TMC1: variants seen among roughly 807,000 people sequenced by gnomAD.
The protein encoded by TMC1 is transmembrane channel-like protein 1.
A neutral mutation model predicts 105.8 loss-of-function variants in TMC1; 84 were observed. The observed-to-expected ratio is 0.79, with a 90% confidence interval of 0.67 to 0.95. TMC1 has a LOEUF of 0.95. Among genes scored for constraint, TMC1 ranks in the 40% least tolerant of loss-of-function variants. The pLI, the probability that TMC1 is intolerant of heterozygous loss-of-function variation, is 0.00. For synonymous variants in TMC1, 315 were observed against 311.5 expected (o/e 1.01, Z -0.12); for missense variants, 817 against 914.1 (o/e 0.89, Z 1.37).
chr9:72,537,188 T>C (rs1446209518), intron 1 of TMC1, among the ~76,000 whole-genome samples: 1 of 152,186 alleles, frequency 6.6e-6, no homozygotes, highest in Non-Finnish European at 1.5e-5. Context: ...TACCCCAGGC[T>C]TGTCCTGCAA....
chr9:72,829,902 G>A (rs901602461), intron 21 of TMC1, among the ~76,000 whole-genome samples: 6 of 151,946 alleles, frequency 3.9e-5, no homozygotes, highest in African/African-American at 1.2e-4. Flanking sequence ...TTTATACAAC[G>A]TTTTCTTTTT....
intron 3 of TMC1, among the ~76,000 whole-genome samples, chr9:72,621,458 A>G (rs982592871): frequency 1.3e-5 from 2 of 152,208 alleles, no homozygotes; most frequent in Admixed American, 6.5e-5. Context: ...AAGTGTGGAC[A>G]TAGCTGTTGG....
chr9:72,713,753 G>A (rs1038038459), intron 8 of TMC1, among the ~76,000 whole-genome samples: 2 of 142,130 alleles, frequency 1.4e-5, no homozygotes, highest in Middle Eastern at 3.9e-3. Flanking sequence ...AGGGCTTTTT[G>A]TATCTCTGTC....
At chr9:72,595,296 A>C (rs1435685720) in intron 2 of TMC1, among the ~76,000 whole-genome samples, 2 of 152,146 alleles carry the variant, frequency 1.3e-5, no homozygotes, top group African/African-American at 4.8e-5. Flanking sequence ...GTGTATGGCT[A>C]CTTCATAGAC....
chr9:72,659,888 C>T (rs148788858), intron 5 of TMC1, among the ~76,000 whole-genome samples: 10 of 152,266 alleles, frequency 6.6e-5, no homozygotes, highest in South Asian at 2.1e-4. Flanking sequence ...TGATGTTAGT[C>T]GGGGTTTCTG....
chr9:72,791,130 C>T (rs1294123741), intron 15 of TMC1, among the ~76,000 whole-genome samples: 1 of 151,986 alleles, frequency 6.6e-6, no homozygotes, highest in Non-Finnish European at 1.5e-5. Context: ...ATAAGGTTGC[C>T]AAACATCCAG....
At chr9:72,773,253 T>G (rs1485940467) in intron 13 of TMC1, among the ~76,000 whole-genome samples, 1 of 152,180 alleles carries the variant, frequency 6.6e-6, no homozygotes, top group Non-Finnish European at 1.5e-5. Context: ...CAATTTTTTT[T>G]GAACTAGTTT....
intron 1 of TMC1, among the ~76,000 whole-genome samples, chr9:72,538,944 C>T (rs1013067240): frequency 3.3e-5 from 5 of 152,136 alleles, no homozygotes; most frequent in Admixed American, 1.3e-4. Flanking sequence ...GGTACCCTCT[C>T]ATCTTGCTAT....
intron 5 of TMC1, among the ~76,000 whole-genome samples, chr9:72,681,255 T>C (rs1826281404): frequency 6.6e-6 from 1 of 152,146 alleles, no homozygotes; most frequent in African/African-American, 2.4e-5. Context: ...TATGACAGCA[T>C]GGTTAAATAA....
In TMC1 at chr9:72,791,948, A is replaced by G; in HGVS notation, c.1287A>G (p.Glu429=). The stretch of plus-strand genomic sequence containing the variant: ...CAACATTGTTTGACTTATTTGCTGA[A>G]TTAGAAGACTACCATCCTCTCATCG... ...FCPTLFDLFA[E]LEDYHPLIAL... Residue 429 remains glutamate (E), a synonymous_variant, in exon 16 of 24, where the codon GAA becomes GAG. Transcript: ENST00000297784. The G allele has an allele frequency of 2.5e-6, 4 of 1,613,986 alleles. No homozygotes were observed. The Admixed American group carries it at 5.0e-5, about 20-fold the overall frequency.
At position 72,677,282 on chromosome 9, in the gene TMC1, C is replaced by A. The variant is rs141365989; in HGVS notation, c.17-11427C>A. 1.7e-3 allele frequency among the ~76,000 whole-genome samples: 252 copies of A among 152,094 alleles called. 1 individual carries two copies. The highest frequency in any genetic ancestry group is 9.1e-3 in the South Asian group (44 of 4,814). On this transcript the variant is annotated intron_variant, in intron 5 of 23. Transcript: ENST00000297784. ...CTGAAGAGGGGAGAAGACAGATGTC[C>A]CAGCTCAGAGACCTTTAGGCAGAGA... is the stretch of plus-strand genomic sequence containing the variant.
intron 8 of TMC1, among the ~76,000 whole-genome samples, chr9:72,701,669 G>A (rs1274646488): frequency 6.6e-6 from 1 of 152,194 alleles, no homozygotes; most frequent in Non-Finnish European, 1.5e-5. Flanking sequence ...TTCACTTCTA[G>A]TCTTGGTTCT....
intron 18 of TMC1, among the ~76,000 whole-genome samples, chr9:72,812,654 C>A (rs1466577208): frequency 6.6e-6 from 1 of 152,256 alleles, no homozygotes; most frequent in African/African-American, 2.4e-5. Context: ...ATGCTGCTGA[C>A]TCTCGTCTGA....
chr9:72,684,370 C>T (rs1027306578), intron 5 of TMC1, among the ~76,000 whole-genome samples: 1 of 152,184 alleles, frequency 6.6e-6, no homozygotes, highest in African/African-American at 2.4e-5. Flanking sequence ...TTTCAGTCCA[C>T]ATTGTACTTA....
Position 72,836,234 on chromosome 9 carries a change from T to A in TMC1, c.*261T>A. On this transcript the variant is annotated 3_prime_UTR_variant, in exon 24 of 24. Coordinates refer to ENST00000297784, the MANE Select transcript of TMC1 (RefSeq NM_138691.3). ...CCATTTCGTGACTTTTTTTTTTTTT[T>A]TAACAAATTGAGTTTAGAAGTGAGT... 3.8e-6 allele frequency: 2 copies of A among 531,666 alleles called. No homozygotes were observed. The highest frequency in any genetic ancestry group is 6.7e-6 in the Non-Finnish European group (2 of 297,704). The allele number at this position is 531,666 out of a possible 1,614,324, so 32.9% of individuals were successfully genotyped here.
At chr9:72,792,437 A>C in intron 17 of TMC1, 85 bp downstream of exon 17, 3 of 1,534,356 alleles carry the variant, frequency 2.0e-6, no homozygotes, top group Non-Finnish European at 2.7e-6. Flanking sequence ...GCTTTTAAAA[A>C]ATTGCTTATT....
intron 1 of TMC1, among the ~76,000 whole-genome samples, chr9:72,558,685 G>A (rs1043342116): frequency 6.6e-6 from 1 of 152,048 alleles, no homozygotes; most frequent in African/African-American, 2.4e-5. Flanking sequence ...ATGGTTATCT[G>A]GTTTACATGC....
intron 6 of TMC1, among the ~76,000 whole-genome samples, chr9:72,691,045 A>G (rs112354584): frequency 2.0e-5 from 3 of 152,134 alleles, no homozygotes; most frequent in African/African-American, 4.8e-5. Flanking sequence ...ATAATTTCAA[A>G]CATCCTATTT....
intron 7 of TMC1, among the ~76,000 whole-genome samples, chr9:72,695,335 A>G (rs1325616017): frequency 2.0e-5 from 3 of 152,202 alleles, no homozygotes; most frequent in Non-Finnish European, 1.5e-5. Flanking sequence ...GTAAACGCTG[A>G]CTTTGTGTAG....
Sources: gnomAD v4.1 joint callset for allele counts (sites outside exome capture counted in the v4.1 genomes callset) on GRCh38, gnomAD v4.1.1 for gene constraint, MANE v1.5 for transcripts, NCBI Gene and HGNC (gene_info 2026-07-23, HGNC 2026-07-21) for gene names.